The following SMPDL3A variants were observed in gnomAD, a reference collection of about 807,000 sequenced individuals.
SMPDL3A encodes the protein cyclic GMP-AMP phosphodiesterase SMPDL3A.
In SMPDL3A, 39 loss-of-function variants were observed where a neutral mutation model predicts 38.5. The ratio of observed to expected loss-of-function variants is 1.01; its 90% CI spans 0.78 to 1.32. The LOEUF is 1.32. Among genes scored for constraint, SMPDL3A ranks in the 40% most tolerant of loss-of-function variants. The pLI is 0.00. For synonymous variants in SMPDL3A, 180 were observed against 194.3 expected, an observed-to-expected ratio of 0.93 and a Z score of 0.61; for missense variants, 502 against 536.2, an observed-to-expected ratio of 0.94 and a Z score of 0.63.
chr6:122,808,629 T>TCCTCCCTCCCTC (rs1781733340), intron 7 of SMPDL3A, among the ~76,000 whole-genome samples: 1 of 65,204 alleles, frequency 1.5e-5, no homozygotes, highest in Non-Finnish European at 3.1e-5. Context: ...CTTCCTTCCT[T>TCCTCCCTCCCTC]CCTTCCTTCC....
Position 122,795,721 on chromosome 6 carries a change from C to T in SMPDL3A, c.157C>T (p.His53Tyr), listed in dbSNP as rs1195206978. ...TGACTTACACTTAGACCCTACTTAC[C>T]ACATCACAGATGACCACACAAAAGT... Reference protein sequence around the residue: ...VTDLHLDPTYHITDDHTKVCA... With the variant: ...VTDLHLDPTYYITDDHTKVCA... Residue 53 changes from histidine (H) to tyrosine (Y), a missense_variant, in exon 2 of 8, where the codon CAC (histidine) becomes TAC (tyrosine). His to Tyr is a moderately conservative substitution (Grantham distance 83). Transcript: ENST00000368440. 2.5e-6 allele frequency: 4 copies of T among 1,614,140 alleles called. No homozygotes were observed. The highest frequency in any genetic ancestry group is 1.7e-5 in the Admixed American group (1 of 60,020).
intron 4 of SMPDL3A, among the ~76,000 whole-genome samples, chr6:122,802,158 A>G (rs959515067): frequency 2.7e-5 from 4 of 149,396 alleles, no homozygotes; most frequent in African/African-American, 9.8e-5. Flanking sequence ...TTAGAATTAG[A>G]CTATGGTTCT....
intron 3 of SMPDL3A, among the ~76,000 whole-genome samples, chr6:122,797,669 G>A (rs1781296822): frequency 6.6e-6 from 1 of 152,154 alleles, no homozygotes; most frequent in African/African-American, 2.4e-5. Flanking sequence ...CCAGGGCTGG[G>A]CAATTGTCTC....
chr6:122,790,364 G>A (rs138673877), intron 1 of SMPDL3A, among the ~76,000 whole-genome samples: 1 of 152,146 alleles, frequency 6.6e-6, no homozygotes, highest in Non-Finnish European at 1.5e-5. Context: ...AATGCCATCC[G>A]AGCCTCCAGT....
intron 5 of SMPDL3A, among the ~76,000 whole-genome samples, chr6:122,804,238 C>T (rs983469845): frequency 6.6e-6 from 1 of 151,922 alleles, no homozygotes; most frequent in African/African-American, 2.4e-5. Context: ...CCACCCACCT[C>T]GGCCTTCCAA....
chr6:122,803,461 C>T (rs772547822), intron 4 of SMPDL3A, among the ~76,000 whole-genome samples: 5 of 152,134 alleles, frequency 3.3e-5, no homozygotes, highest in South Asian at 2.1e-4. Flanking sequence ...AGCGATAGCA[C>T]GGGGCCTGGC....
Position 122,809,590 on chromosome 6 carries a change from T to C in SMPDL3A, c.*182T>C, listed in dbSNP as rs1781782327. On this transcript the variant is annotated 3_prime_UTR_variant, in exon 8 of 8. Coordinates refer to ENST00000368440, the MANE Select transcript of SMPDL3A (RefSeq NM_006714.5). ...CTTTATCATTCTGAATTGTATTATA[T>C]ATTTAAAGTGCTCATTAATAGAATG... 2 of 509,842 alleles carry C rather than the reference T, an allele frequency of 3.9e-6. No homozygotes were observed. Among genetic ancestry groups the C allele is most frequent in the Middle Eastern group, 5.2e-4 (1 of 1,938 alleles). The allele number at this position is 509,842 out of a possible 1,614,324, so 31.6% of individuals were successfully genotyped here.
At chr6:122,801,137 ATTT>A (rs1781417153) in intron 3 of SMPDL3A, among the ~76,000 whole-genome samples, 170 bp from the exon 4 acceptor site, 1 of 152,160 alleles carries the variant, frequency 6.6e-6, no homozygotes, top group Admixed American at 6.5e-5. Flanking sequence ...AATTGGTTAC[ATTT>A]TATCCCCCAG....
At chr6:122,790,290 T>C (rs1781035703) in intron 1 of SMPDL3A, among the ~76,000 whole-genome samples, 1 of 152,198 alleles carries the variant, frequency 6.6e-6, no homozygotes, top group African/African-American at 2.4e-5. Context: ...CTCCGCATGA[T>C]TCCTTTCGGC....
At chr6:122,798,042 CCTCT>C (rs1781308669) in intron 3 of SMPDL3A, among the ~76,000 whole-genome samples, 1 of 147,692 alleles carries the variant, frequency 6.8e-6, no homozygotes, top group African/African-American at 2.4e-5. Context: ...TACTTTCACG[CCTCT>C]CTGTGTCCAC....
At chr6:122,791,119 G>C (rs1781062353) in intron 1 of SMPDL3A, among the ~76,000 whole-genome samples, 1 of 152,104 alleles carries the variant, frequency 6.6e-6, no homozygotes, top group African/African-American at 2.4e-5. Context: ...CACATGCTTG[G>C]ACTTCCTTTC....
chr6:122,796,469 G>A (rs1421089301), intron 2 of SMPDL3A, among the ~76,000 whole-genome samples: 2 of 152,130 alleles, frequency 1.3e-5, no homozygotes, highest in East Asian at 1.9e-4. Context: ...AGTAACTTAC[G>A]AGTATACACA....
chr6:122,794,847 T>C (rs1447764196), intron 1 of SMPDL3A, among the ~76,000 whole-genome samples: 1 of 152,202 alleles, frequency 6.6e-6, no homozygotes, highest in African/African-American at 2.4e-5. Context: ...TTTGAATTAA[T>C]GTTGAGAGGC....
chr6:122,807,408 A>G (rs1781665553), intron 7 of SMPDL3A, among the ~76,000 whole-genome samples: 1 of 152,176 alleles, frequency 6.6e-6, no homozygotes, highest in Non-Finnish European at 1.5e-5. Flanking sequence ...CTGAGGCAGG[A>G]GAATGGCGTG....
At chr6:122,803,461 C>A (rs772547822) in intron 4 of SMPDL3A, among the ~76,000 whole-genome samples, 3 of 152,134 alleles carry the variant, frequency 2.0e-5, no homozygotes, top group Non-Finnish European at 2.9e-5. Context: ...AGCGATAGCA[C>A]GGGGCCTGGC....
chr6:122,806,869 C>G (rs1037421595), intron 7 of SMPDL3A, among the ~76,000 whole-genome samples: 1 of 152,200 alleles, frequency 6.6e-6, no homozygotes, highest in East Asian at 1.9e-4. Context: ...ACGCTTGGCT[C>G]ATACTAAATG....
chr6:122,806,846 A>G (rs9320892), intron 7 of SMPDL3A, among the ~76,000 whole-genome samples: 20,878 of 152,236 alleles, frequency 0.14, 1,923 homozygotes, highest in East Asian at 0.36. Flanking sequence ...ATCTATGTAA[A>G]GCACTTAGAA....
At chr6:122,799,609 T>A (rs947528152) in intron 3 of SMPDL3A, among the ~76,000 whole-genome samples, 1 of 152,214 alleles carries the variant, frequency 6.6e-6, no homozygotes, top group African/African-American at 2.4e-5. Flanking sequence ...AGAATCTAGA[T>A]TGGCCTAAGC....
chr6:122,803,980 C>CT, intron 5 of SMPDL3A, 147 bp downstream of exon 5: 6 of 575,800 alleles, frequency 1.0e-5, no homozygotes, highest in South Asian at 2.9e-5. Context: ...CATGGATTTT[C>CT]TTTCTTTTTT....
Sources: gnomAD v4.1 joint callset for allele counts (sites outside exome capture counted in the v4.1 genomes callset) on GRCh38, gnomAD v4.1.1 for gene constraint, MANE v1.5 for transcripts, NCBI Gene and HGNC (gene_info 2026-07-23, HGNC 2026-07-21) for gene names.